R3HDM1: variants seen among roughly 807,000 people sequenced by gnomAD.
R3HDM1 encodes the protein R3H domain-containing protein 1.
A neutral mutation model predicts 141.1 loss-of-function variants in R3HDM1; 46 were observed. That is an observed-to-expected ratio of 0.33 (90% CI 0.26 to 0.42). The LOEUF (loss-of-function observed/expected upper bound fraction) is 0.42. Among genes scored for constraint, R3HDM1 ranks in the 10% least tolerant of loss-of-function variants. The pLI is 1.00. For missense variants in R3HDM1, 1,184 were observed against 1,368.3 expected, an observed-to-expected ratio of 0.87 and a Z score of 2.12; for synonymous variants, 435 against 472.9, an observed-to-expected ratio of 0.92 and a Z score of 1.04.
chr2:135,593,867 G>T (rs576920404), intron 1 of R3HDM1, among the ~76,000 whole-genome samples: 54 of 152,162 alleles, frequency 3.5e-4, no homozygotes, highest in Non-Finnish European at 7.4e-5. Context: ...TTACAGGCGC[G>T]CACCACCACA....
At chr2:135,606,729 C>T (rs2060094251) in intron 3 of R3HDM1, 1 of 131,388 alleles carries the variant, frequency 7.6e-6, no homozygotes, top group Non-Finnish European at 1.5e-5. Flanking sequence ...GCACTCCAGC[C>T]TAGTGACAGA....
chr2:135,586,386 A>G (rs917643617), intron 1 of R3HDM1: 1 of 152,776 alleles, frequency 6.5e-6, no homozygotes. Flanking sequence ...ATGCCAGACT[A>G]ATCAGCTGGA....
intron 18 of R3HDM1, among the ~76,000 whole-genome samples, chr2:135,653,790 T>C (rs1225707333): frequency 6.6e-6 from 1 of 152,190 alleles, no homozygotes; most frequent in African/African-American, 2.4e-5. Flanking sequence ...TAGCTGGGTG[T>C]GGTGGTGCGC....
chr2:135,540,412 C>T (rs1414802831), intron 1 of R3HDM1, among the ~76,000 whole-genome samples: 1 of 152,086 alleles, frequency 6.6e-6, no homozygotes, highest in East Asian at 1.9e-4. Context: ...ATATTTTGAC[C>T]TCCTCCCATG....
intron 21 of R3HDM1, among the ~76,000 whole-genome samples, chr2:135,699,025 A>ATT (rs2073760659): frequency 1.7e-5 from 2 of 118,110 alleles, no homozygotes; most frequent in African/African-American, 5.9e-5. Flanking sequence ...ATAGATAGAT[A>ATT]GATAGATAGA....
intron 1 of R3HDM1, among the ~76,000 whole-genome samples, chr2:135,570,208 T>G (rs1376253699): frequency 6.6e-6 from 1 of 152,262 alleles, no homozygotes; most frequent in Non-Finnish European, 1.5e-5. Context: ...TTCTGCCACT[T>G]AAGCTTGTGT....
At chr2:135,655,886 G>A (rs539059294) in intron 18 of R3HDM1, among the ~76,000 whole-genome samples, 3 of 152,200 alleles carry the variant, frequency 2.0e-5, no homozygotes, top group Non-Finnish European at 4.4e-5. Flanking sequence ...TGCAAAAAAA[G>A]ACCTTTGGAG....
intron 1 of R3HDM1, chr2:135,583,994 G>A: frequency 1.0e-6 from 1 of 985,344 alleles, no homozygotes; most frequent in Non-Finnish European, 1.2e-6. Context: ...AAAATGGATA[G>A]CACAAAATTT....
At chr2:135,698,791 G>A (rs2073682107) in intron 21 of R3HDM1, among the ~76,000 whole-genome samples, 1 of 151,964 alleles carries the variant, frequency 6.6e-6, no homozygotes, top group Admixed American at 6.6e-5. Flanking sequence ...AGTGGGGGGA[G>A]CACCACACAC....
chr2:135,613,035 G>C (rs990631060), intron 3 of R3HDM1, among the ~76,000 whole-genome samples: 5 of 152,172 alleles, frequency 3.3e-5, no homozygotes, highest in African/African-American at 4.8e-5. Context: ...TACTTATATA[G>C]TAGTGTATTA....
chr2:135,689,480 A>T (rs2071963798), intron 21 of R3HDM1, among the ~76,000 whole-genome samples: 1 of 152,188 alleles, frequency 6.6e-6, no homozygotes, highest in Non-Finnish European at 1.5e-5. Context: ...TTATTACAAG[A>T]TTATAAGGAA....
At chr2:135,638,857 C>T (rs1449675394) in intron 13 of R3HDM1, 39 bp from the exon 14 acceptor site, 2 of 1,611,148 alleles carry the variant, frequency 1.2e-6, no homozygotes, top group Non-Finnish European at 1.7e-6. Context: ...TTTTTGTTCC[C>T]CTGCATTAGC....
chr2:135,672,132 T>C (rs1358922365), intron 19 of R3HDM1, among the ~76,000 whole-genome samples: 1 of 152,232 alleles, frequency 6.6e-6, no homozygotes, highest in Non-Finnish European at 1.5e-5. Context: ...TTTTTTTAAG[T>C]GCTTGGCATC....
At chr2:135,554,292 G>T (rs534743357) in intron 1 of R3HDM1, among the ~76,000 whole-genome samples, 2 of 152,284 alleles carry the variant, frequency 1.3e-5, no homozygotes, top group South Asian at 4.1e-4. Flanking sequence ...GCAACTGGAT[G>T]CTTTATTTAG....
chr2:135,722,246 A>G (rs1278410291), intron 25 of R3HDM1, among the ~76,000 whole-genome samples: 1 of 152,176 alleles, frequency 6.6e-6, no homozygotes, highest in Non-Finnish European at 1.5e-5. Flanking sequence ...GTGGCTAGGG[A>G]TTGGGGCACT....
intron 16 of R3HDM1, chr2:135,649,204 A>G (rs765324983): frequency 6.6e-6 from 1 of 151,980 alleles, no homozygotes; most frequent in Admixed American, 6.6e-5. Flanking sequence ...TAGCTGGGCT[A>G]CAGGCGCCCG....
chr2:135,690,417 T>G (rs777144931), intron 21 of R3HDM1, among the ~76,000 whole-genome samples: 1 of 152,210 alleles, frequency 6.6e-6, no homozygotes, highest in Non-Finnish European at 1.5e-5. Flanking sequence ...TCAAGAGATG[T>G]GCTGTACAAG....
rs529910156 is a variant in R3HDM1, at chr2:135,724,025, T to C, written c.3138T>C (p.Ile1046=). The change falls in exon 27 of 27, where the codon ATT becomes ATC. Residue 1046 remains isoleucine (I), a synonymous_variant. Coordinates refer to ENST00000683871, the MANE Select transcript of R3HDM1 (RefSeq NM_001378107.1). ...AEKLFGELFK[I]GAKIRWLRDP... is the part of the protein sequence containing the mutation. ...AGCTTTTTGGGGAACTCTTTAAAAT[T>C]GGCGCCAAGATCCGGTGGCTCCGGG... 2.5e-6 allele frequency: 4 copies of C among 1,614,022 alleles called. No individual in the cohort carries two copies. The highest frequency in any genetic ancestry group is 2.2e-5 in the East Asian group (1 of 44,876).
At chr2:135,690,893 T>G (rs1346804929) in intron 21 of R3HDM1, among the ~76,000 whole-genome samples, 1 of 152,176 alleles carries the variant, frequency 6.6e-6, no homozygotes, top group Non-Finnish European at 1.5e-5. Flanking sequence ...GGTAATACTT[T>G]GGATTTAAAT....
Sources: allele counts gnomAD v4.1 joint callset (sites outside exome capture counted in the v4.1 genomes callset), GRCh38; gene constraint gnomAD v4.1.1; transcripts MANE v1.5; gene names NCBI Gene and HGNC (gene_info 2026-07-23, HGNC 2026-07-21).